Variants in PLCG2 observed in about 807,000 individuals in gnomAD.
PLCG2 encodes 1-phosphatidylinositol 4,5-bisphosphate phosphodiesterase gamma-2.
Under a neutral mutation model 175.6 loss-of-function variants are expected in PLCG2, and 69 were observed. The observed-to-expected ratio is 0.39, with a 90% confidence interval of 0.32 to 0.48. The LOEUF (loss-of-function observed/expected upper bound fraction) is 0.48. Ranked by LOEUF, PLCG2 falls within the 20% of genes least tolerant of loss-of-function variation. PLCG2 has a pLI of 0.91. For synonymous variants in PLCG2, 827 were observed against 624.0 expected (o/e 1.33, Z -4.85); for missense variants, 1,798 against 1,650.9 (o/e 1.09, Z -1.54).
intron 2 of PLCG2, among the ~76,000 whole-genome samples, chr16:81,830,068 T>G (rs1297690463): frequency 6.6e-6 from 1 of 151,840 alleles, no homozygotes; most frequent in African/African-American, 2.4e-5. Flanking sequence ...GCCTATAATC[T>G]CAGCACTTTG....
intron 2 of PLCG2, among the ~76,000 whole-genome samples, chr16:81,837,933 T>A (rs1905611287): frequency 6.6e-6 from 1 of 152,220 alleles, no homozygotes; most frequent in African/African-American, 2.4e-5. Flanking sequence ...ATTTTCCTTG[T>A]ACTTGTGTGT....
intron 19 of PLCG2, among the ~76,000 whole-genome samples, chr16:81,913,342 G>C (rs1421192988): frequency 6.6e-6 from 1 of 152,248 alleles, no homozygotes; most frequent in Admixed American, 6.5e-5. Flanking sequence ...CCGTGTTCTA[G>C]ACACTGGACT....
chr16:81,775,230 C>A (rs556341412), upstream of PLCG2, among the ~76,000 whole-genome samples: 1 of 152,122 alleles, frequency 6.6e-6, no homozygotes, highest in Non-Finnish European at 1.5e-5. Context: ...TTTTACCTTC[C>A]GATAGGCCCG....
chr16:81,778,045 A>C (rs1182300123), upstream of PLCG2, among the ~76,000 whole-genome samples: 4 of 77,920 alleles, frequency 5.1e-5, no homozygotes, highest in African/African-American at 1.2e-4. Context: ...AAAAAAAACA[A>C]AAAAAAAAAC....
chr16:81,779,313 G>C lies in PLCG2; in HGVS notation c.-159G>C, dbSNP rs558209120. 1 of 150,656 alleles carries C rather than the reference G, an allele frequency of 6.6e-6. No homozygotes were observed. The highest frequency in any genetic ancestry group is 2.4e-5 in the African/African-American group (1 of 41,264). The allele number at this position is 150,656 out of a possible 1,614,324, so 9.3% of individuals were successfully genotyped here. ...AGCAGAAGTAGCGAGCGCCGGCGGC[G>C]GAGGGCGTGAGCGGCGCTGAGTGAC... is the stretch of plus-strand genomic sequence containing the variant. On this transcript the variant is annotated 5_prime_UTR_variant, in exon 1 of 33. Coordinates refer to ENST00000564138, the MANE Select transcript of PLCG2 (RefSeq NM_002661.5).
At chr16:81,931,310 G>A in intron 24 of PLCG2, 187 bp from the exon 25 acceptor site, 1 of 484,262 alleles carries the variant, frequency 2.1e-6, no homozygotes. Context: ...TGAATCTACT[G>A]CATCCCTTGA....
intron 2 of PLCG2, among the ~76,000 whole-genome samples, chr16:81,758,010 C>G (rs2143080656): frequency 6.6e-6 from 1 of 152,346 alleles, no homozygotes; most frequent in South Asian, 2.1e-4. Context: ...CTGTCTCGAT[C>G]TGTCACCCAG....
In PLCG2 at chr16:81,961,858, G is replaced by A. The variant is rs183513361; in HGVS notation, c.*3860G>A. The A allele has an allele frequency of 2.0e-4, 40 of 200,732 alleles. No individual in the cohort carries two copies. The East Asian group carries it at 3.1e-3, about 16-fold the overall frequency. The allele number at this position is 200,732 out of a possible 1,614,324, so 12.4% of individuals were successfully genotyped here. A position where few individuals can be genotyped will look rare whatever the true frequency, so the allele number is the denominator to read the frequency against. ...ATTTTAGATGTCAATATAGCAATGTGCAAGAAGATAGAGATTTTCAAAATT... is the reference window on the plus strand; with the variant it reads ...ATTTTAGATGTCAATATAGCAATGTACAAGAAGATAGAGATTTTCAAAATT... On this transcript the variant is annotated 3_prime_UTR_variant, in exon 33 of 33. Coordinates refer to ENST00000564138, the MANE Select transcript of PLCG2 (RefSeq NM_002661.5).
chr16:81,881,006 T>C, intron 8 of PLCG2, 53 bp downstream of exon 8: 5 of 1,574,324 alleles, frequency 3.2e-6, no homozygotes, highest in Non-Finnish European at 4.4e-6. Flanking sequence ...CCTCGGTGCC[T>C]GGTGCCCAGC....
intron 2 of PLCG2, chr16:81,766,965 A>T (rs1910163912): frequency 6.6e-6 from 1 of 152,024 alleles, no homozygotes; most frequent in African/African-American, 2.4e-5. Context: ...CCTTATCCCC[A>T]GGAGGAAGTC....
At chr16:81,918,111 A>T (rs1279387795) in intron 19 of PLCG2, among the ~76,000 whole-genome samples, 2 of 152,112 alleles carry the variant, frequency 1.3e-5, no homozygotes, top group Non-Finnish European at 2.9e-5. Context: ...CCCTTACCAG[A>T]TGTTCAGTTT....
chr16:81,907,000 T>C (rs1909398745), intron 15 of PLCG2, among the ~76,000 whole-genome samples: 1 of 140,348 alleles, frequency 7.1e-6, no homozygotes, highest in African/African-American at 2.7e-5. Context: ...ATTGAGCCAC[T>C]GCACTCCAGC....
intron 1 of PLCG2, among the ~76,000 whole-genome samples, chr16:81,740,751 A>AC (rs1421599794): frequency 1.7e-4 from 25 of 145,788 alleles, no homozygotes; most frequent in Admixed American, 3.5e-4. Context: ...AAAAAAAAAA[A>AC]AAAAAAAAAC....
At chr16:81,874,899 A>G (rs1403724675) in intron 7 of PLCG2, among the ~76,000 whole-genome samples, 1 of 146,190 alleles carries the variant, frequency 6.8e-6, no homozygotes, top group South Asian at 2.2e-4. Flanking sequence ...AACAAAGATG[A>G]TAGCCAACAT....
intron 13 of PLCG2, among the ~76,000 whole-genome samples, chr16:81,897,504 A>G (rs956446251): frequency 5.9e-5 from 9 of 152,058 alleles, no homozygotes; most frequent in Non-Finnish European, 1.0e-4. Context: ...TGTTGAGTCA[A>G]TAAGATCGAT....
chr16:81,765,387 T>C (rs1366944621), intron 2 of PLCG2, among the ~76,000 whole-genome samples: 1 of 152,204 alleles, frequency 6.6e-6, no homozygotes, highest in South Asian at 2.1e-4. Context: ...TTCCAGCACT[T>C]TGGGAGGCCC....
intron 17 of PLCG2, among the ~76,000 whole-genome samples, chr16:81,909,420 C>G (rs1023121342): frequency 6.6e-6 from 1 of 152,016 alleles, no homozygotes; most frequent in Non-Finnish European, 1.5e-5. Context: ...ATAATTCTGT[C>G]ACTTAAAAAA....
In PLCG2 at chr16:81,931,720, A is replaced by C. The variant is rs1280152207; in HGVS notation, c.2739+66A>C. 13 of 1,464,262 alleles carry C rather than the reference A, an allele frequency of 8.9e-6. No homozygotes were observed. The African/African-American group carries it at 1.8e-4, about 20-fold the overall frequency. 90.7% of individuals were successfully genotyped at this position (1,464,262 alleles called of 1,614,324 possible). A position where few individuals can be genotyped will look rare whatever the true frequency, so the allele number is the denominator to read the frequency against. ...CTGAGGGCTTTGGTGCTCAGTTGGGACTGTGGGTGGGTCCAGGCAGCAGGA... is the reference window on the plus strand; with the variant it reads ...CTGAGGGCTTTGGTGCTCAGTTGGGCCTGTGGGTGGGTCCAGGCAGCAGGA... On this transcript the variant is annotated intron_variant, in intron 25 of 32. Coordinates refer to ENST00000564138, the MANE Select transcript of PLCG2 (RefSeq NM_002661.5).
In PLCG2 at chr16:81,923,349, C is replaced by T. The variant is rs76797987; in HGVS notation, c.2308-136C>T. 1,724 of 594,538 alleles carry T rather than the reference C, an allele frequency of 2.9e-3. 18 individuals carry two copies. The highest frequency in any genetic ancestry group is 0.029 in the African/African-American group (1,550 of 53,982). The allele number at this position is 594,538 out of a possible 1,614,324, so 36.8% of individuals were successfully genotyped here. ...ATCCTTTGCAATGCCAGTCCCTCTC[C>T]AGCAGATGACTTTGTAACCTTGGCC... On this transcript the variant is annotated intron_variant, in intron 21 of 32. Coordinates refer to ENST00000564138, the MANE Select transcript of PLCG2 (RefSeq NM_002661.5).
Sources: gnomAD v4.1 joint callset for allele counts (sites outside exome capture counted in the v4.1 genomes callset) on GRCh38, gnomAD v4.1.1 for gene constraint, MANE v1.5 for transcripts, NCBI Gene and HGNC (gene_info 2026-07-23, HGNC 2026-07-21) for gene names.